The following CEP85L variants were observed in gnomAD, a reference collection of about 807,000 sequenced individuals.
CEP85L encodes centrosomal protein of 85 kDa-like.
Under a neutral mutation model 100.3 loss-of-function variants are expected in CEP85L, and 60 were observed. The ratio of observed to expected loss-of-function variants is 0.60; its 90% CI spans 0.49 to 0.74. The LOEUF is 0.74. CEP85L is among the 30% of genes least tolerant of loss of function. The probability of loss-of-function intolerance (pLI) is 0.00; values close to 1 mark genes in which losing one functional copy is unlikely to be tolerated. For synonymous variants in CEP85L, 319 were observed against 322.7 expected (o/e 0.99, Z 0.12); for missense variants, 973 against 936.2 (o/e 1.04, Z -0.51).
chr6:118,620,985 G>A lies in CEP85L; in HGVS notation c.232+11468C>T, dbSNP rs1773403837. Reference sequence around the variant, plus strand: ...TACCCATTTGTTGTCCCTTACTTGAGGAGGGAATCGACCCTGAAGTCTGGG... The same window carrying A: ...TACCCATTTGTTGTCCCTTACTTGAAGAGGGAATCGACCCTGAAGTCTGGG... On this transcript the variant is annotated intron_variant, in intron 2 of 12. Coordinates refer to ENST00000368491, the MANE Select transcript of CEP85L (RefSeq NM_001042475.3). Among the ~76,000 whole-genome samples, 4 of 152,260 alleles carry A rather than the reference G, an allele frequency of 2.6e-5. No homozygotes were observed. In the South Asian group the frequency reaches 8.3e-4, roughly 32 times the overall value.
In CEP85L at chr6:118,565,761, T is replaced by A. The variant is rs771521217; in HGVS notation, c.788A>T (p.Lys263Met). ...DMTYSALPES[K>M]PIMTSSEAFE... ...AGCCTCTGAGCTTGTCATAATGGGC[T>A]TGCTTTCAGGTAAGGCACTATATGT... The change falls in exon 3 of 13, where the codon AAG becomes ATG. Residue 263 changes from lysine to methionine, a missense_variant. Transcript: ENST00000368491. 1.2e-6 allele frequency: 2 copies of A among 1,614,194 alleles called. No individual in the cohort carries two copies. Among genetic ancestry groups the A allele is most frequent in the East Asian group, 4.5e-5 (2 of 44,888 alleles).
intron 2 of CEP85L, among the ~76,000 whole-genome samples, chr6:118,601,905 C>G (rs1012165721): frequency 6.6e-6 from 1 of 152,120 alleles, no homozygotes; most frequent in African/African-American, 2.4e-5. Flanking sequence ...GTCTTTATGA[C>G]CTGTAGTTTG....
At chr6:118,682,733 C>A (rs1165474394) in intron 1 of CEP85L, among the ~76,000 whole-genome samples, 1 of 143,900 alleles carries the variant, frequency 6.9e-6, no homozygotes, top group Non-Finnish European at 1.5e-5. Context: ...AAAAAAAAAG[C>A]CCTTGCACCC....
rs142386985 is a variant in CEP85L, at chr6:118,682,770, TGCACAC to T, written c.-28+27260_-28+27265del. 3.2e-3 allele frequency among the ~76,000 whole-genome samples: 278 copies of T among 87,410 alleles called. 1 individual carries two copies. The highest frequency in any genetic ancestry group is 7.7e-3 in the East Asian group (34 of 4,434). The allele number at this position is 87,410 out of a possible 152,430, so 57.3% of individuals were successfully genotyped here. A position where few individuals can be genotyped will look rare whatever the true frequency, so the allele number is the denominator to read the frequency against. On this transcript the variant is annotated intron_variant, in intron 1 of 13. Coordinates refer to the CEP85L transcript ENST00000368488. ...TGAAATATGCATGCATGCCTGAGCA[TGCACAC>T]ACACACACACACACACACACACACA...
intron 1 of CEP85L, among the ~76,000 whole-genome samples, chr6:118,704,795 A>G (rs1170400827): frequency 6.6e-6 from 1 of 152,034 alleles, no homozygotes; most frequent in South Asian, 2.1e-4. Context: ...TTAAGCTAAG[A>G]GTTCATGGCG....
At chr6:118,640,830 G>A (rs1169351447) in intron 1 of CEP85L, among the ~76,000 whole-genome samples, 1 of 152,078 alleles carries the variant, frequency 6.6e-6, no homozygotes, top group Non-Finnish European at 1.5e-5. Flanking sequence ...CACCTGGCCT[G>A]TAAATATATT....
At chr6:118,607,753 T>C (rs990968628) in intron 2 of CEP85L, among the ~76,000 whole-genome samples, 5 of 152,116 alleles carry the variant, frequency 3.3e-5, no homozygotes, top group Admixed American at 2.0e-4. Flanking sequence ...TACCCAAAGT[T>C]GTCCAATCAG....
chr6:118,669,420 C>T (rs1438521063), intron 1 of CEP85L, among the ~76,000 whole-genome samples: 1 of 151,850 alleles, frequency 6.6e-6, no homozygotes, highest in Non-Finnish European at 1.5e-5. Context: ...GGCAGTATTC[C>T]GTTGTTGTTC....
chr6:118,674,646 A>C (rs763609789), intron 1 of CEP85L, among the ~76,000 whole-genome samples: 4 of 152,226 alleles, frequency 2.6e-5, no homozygotes, highest in Non-Finnish European at 2.9e-5. Context: ...TCTGATTTTA[A>C]AGCTATCTGA....
intron 1 of CEP85L, chr6:118,709,979 C>T (rs1777734330): frequency 6.6e-6 from 1 of 152,016 alleles, no homozygotes; most frequent in South Asian, 2.1e-4. Flanking sequence ...TGTAGTTTGT[C>T]ATCATCTTTA....
chr6:118,695,471 C>T (rs1019322227), intron 1 of CEP85L, among the ~76,000 whole-genome samples: 1 of 152,126 alleles, frequency 6.6e-6, no homozygotes, highest in East Asian at 1.9e-4. Context: ...TTTAGAGGGT[C>T]TGTTTAAACA....
At position 118,506,092 on chromosome 6, in the gene CEP85L, G is replaced by A. The variant is rs1305292897; in HGVS notation, c.1257+5206C>T. 5.3e-5 allele frequency among the ~76,000 whole-genome samples: 8 copies of A among 152,176 alleles called. No homozygotes were observed. In the East Asian group the frequency reaches 1.5e-3, roughly 29 times the overall value. On this transcript the variant is annotated intron_variant, in intron 5 of 12. Coordinates refer to ENST00000368491, the MANE Select transcript of CEP85L (RefSeq NM_001042475.3). ...AAATTTTTAAAAAGTTAACACAGGT[G>A]CTTCTACTATAATGCAATATAGACA... is the stretch of plus-strand genomic sequence containing the variant.
At chr6:118,517,372 T>C (rs575263957) in intron 4 of CEP85L, among the ~76,000 whole-genome samples, 13 of 152,352 alleles carry the variant, frequency 8.5e-5, no homozygotes, top group South Asian at 2.1e-4. Flanking sequence ...TCCCTATCCA[T>C]GAGCATGGAA....
intron 3 of CEP85L, among the ~76,000 whole-genome samples, chr6:118,524,261 G>A (rs1469478893): frequency 2.6e-5 from 4 of 152,222 alleles, no homozygotes; most frequent in African/African-American, 9.6e-5. Context: ...TGGCTAATAC[G>A]GTGAAACCCC....
intron 2 of CEP85L, among the ~76,000 whole-genome samples, chr6:118,594,651 G>A (rs1583130692): frequency 5.3e-5 from 8 of 151,862 alleles, no homozygotes; most frequent in Admixed American, 6.6e-5. Flanking sequence ...GGTGGATCAC[G>A]AGGTCAGGAG....
intron 1 of CEP85L, among the ~76,000 whole-genome samples, chr6:118,648,164 G>T (rs1029992258): frequency 5.3e-5 from 8 of 152,204 alleles, no homozygotes; most frequent in South Asian, 4.1e-4. Context: ...TGAGGCACGA[G>T]AACCGCTTGG....
At chr6:118,519,582 G>GTGT in intron 4 of CEP85L, among the ~76,000 whole-genome samples, 1 of 32,926 alleles carries the variant, frequency 3.0e-5, no homozygotes, top group African/African-American at 7.8e-5. Context: ...GTGTGTGTGT[G>GTGT]GCGGGGGGGG....
chr6:118,490,303 A>G (rs2114599305), intron 6 of CEP85L, among the ~76,000 whole-genome samples: 1 of 152,342 alleles, frequency 6.6e-6, no homozygotes, highest in South Asian at 2.1e-4. Flanking sequence ...TATACACTCA[A>G]AAATTTGTTA....
chr6:118,512,814 A>T (rs140505630), intron 4 of CEP85L, among the ~76,000 whole-genome samples: 3 of 152,204 alleles, frequency 2.0e-5, no homozygotes, highest in Admixed American at 2.0e-4. Flanking sequence ...CAAAAATGTA[A>T]TATCAAAAAC....
Sources: gnomAD v4.1 joint callset for allele counts (sites outside exome capture counted in the v4.1 genomes callset) on GRCh38, gnomAD v4.1.1 for gene constraint, MANE v1.5 for transcripts, NCBI Gene and HGNC (gene_info 2026-07-23, HGNC 2026-07-21) for gene names.